The following ZNF710 variants were observed in gnomAD, a reference collection of about 807,000 sequenced individuals.
ZNF710 encodes the protein zinc finger protein 710.
Under a neutral mutation model 50.6 loss-of-function variants are expected in ZNF710, and 13 were observed. The observed-to-expected ratio is 0.26, with a 90% CI of 0.17 to 0.41. ZNF710 has a LOEUF of 0.41. Ranked by LOEUF, ZNF710 falls within the 10% of genes least tolerant of loss-of-function variation. The pLI, the probability that ZNF710 is intolerant of heterozygous loss-of-function variation, is 1.00. For synonymous variants in ZNF710, 383 were observed against 397.0 expected (o/e 0.96, Z 0.42); for missense variants, 721 against 936.6 (o/e 0.77, Z 3.01).
upstream of ZNF710, among the ~76,000 whole-genome samples, chr15:90,000,927 G>T (rs539441677): frequency 1.3e-5 from 2 of 152,112 alleles, no homozygotes; most frequent in East Asian, 3.9e-4. Flanking sequence ...CCATTTCCAA[G>T]CGAGGTCTGC....
chr15:90,079,483 C>T (rs1900670278), intron 4 of ZNF710, among the ~76,000 whole-genome samples, 177 bp from the exon 5 acceptor site: 1 of 152,232 alleles, frequency 6.6e-6, no homozygotes. Context: ...GGTCACCCAG[C>T]TAGAAGCCAC....
At chr15:90,038,547 C>T (rs150544500) in intron 1 of ZNF710, among the ~76,000 whole-genome samples, 1 of 152,296 alleles carries the variant, frequency 6.6e-6, no homozygotes, top group East Asian at 1.9e-4. Flanking sequence ...AAGAAATTAC[C>T]ACTGTCCAAT....
In ZNF710 at chr15:90,006,855, T is replaced by A. The variant is rs1203586474; in HGVS notation, c.-29+5241T>A. ...ATGCATGGTAATGTCTGTAAAGCACTGATGGACTCAAAAGTACTGAAATGA... is the reference window on the plus strand; with the variant it reads ...ATGCATGGTAATGTCTGTAAAGCACAGATGGACTCAAAAGTACTGAAATGA... On this transcript the variant is annotated intron_variant, in intron 1 of 4. Transcript: ENST00000268154. 3 of 154,864 alleles carry A rather than the reference T, an allele frequency of 1.9e-5. No homozygotes were observed. The Admixed American group carries it at 2.0e-4, about 10-fold the overall frequency. 9.6% of individuals were successfully genotyped at this position (154,864 alleles called of 1,614,324 possible).
At chr15:90,063,095 A>G (rs750268851) in intron 1 of ZNF710, among the ~76,000 whole-genome samples, 44 of 152,110 alleles carry the variant, frequency 2.9e-4, no homozygotes, top group Non-Finnish European at 5.6e-4. Context: ...CCAGCCAGGA[A>G]GCAGCCCGAG....
chr15:90,019,179 T>TTTTC, intron 1 of ZNF710, among the ~76,000 whole-genome samples: 1 of 143,810 alleles, frequency 7.0e-6, no homozygotes, highest in Non-Finnish European at 1.5e-5. Context: ...TCTTATTACT[T>TTTTC]TTTCTTTCTT....
Position 90,068,290 on chromosome 15 carries a change from G to A in ZNF710, c.1153G>A (p.Gly385Ser), listed in dbSNP as rs774993760. 14 of 1,612,908 alleles carry A rather than the reference G, an allele frequency of 8.7e-6. No individual in the cohort carries two copies. In the East Asian group the frequency reaches 2.0e-4, roughly 23 times the overall value. Residue 385 changes from glycine to serine, a missense_variant, in exon 2 of 5, where the codon GGC (glycine) becomes AGC (serine). Physicochemically the swap from Gly to Ser is moderately conservative, Grantham distance 56 (BLOSUM62 0). Transcript: ENST00000268154. The surrounding 1 kb of genome is among the most constrained non-coding windows in gnomAD (Gnocchi z 5.0). ...CAAGCCCTACAGCTGCCACTTCTGC[G>A]GCCGCGGCTTCGCCTACCCCAGCGA... ...EVKPYSCHFC[G>S]RGFAYPSELK...
At chr15:90,038,740 T>TGTGTGTGTGTGTGTGTGTGTGTGTGA (rs150950322) in intron 1 of ZNF710, among the ~76,000 whole-genome samples, 35 of 148,638 alleles carry the variant, frequency 2.4e-4, no homozygotes, top group Admixed American at 1.0e-3. Flanking sequence ...TGTGTGTGTG[T>TGTGTGTGTGTGTGTGTGTGTGTGTGA]GAGACATTGG....
intron 1 of ZNF710, among the ~76,000 whole-genome samples, chr15:90,002,019 C>CGCG (rs755847079): frequency 0.024 from 3,494 of 146,742 alleles, 224 homozygotes; most frequent in East Asian, 0.22. Context: ...AGGAAAGCGT[C>CGCG]GCGGCGGCGG....
At chr15:90,017,541 T>C (rs1174011081) in intron 1 of ZNF710, among the ~76,000 whole-genome samples, 1 of 152,082 alleles carries the variant, frequency 6.6e-6, no homozygotes, top group Non-Finnish European at 1.5e-5. Context: ...GGCTGAGGAA[T>C]GCTCTCGGGG....
At chr15:90,054,463 G>C (rs538679511) in intron 1 of ZNF710, among the ~76,000 whole-genome samples, 2 of 152,202 alleles carry the variant, frequency 1.3e-5, no homozygotes, top group Non-Finnish European at 2.9e-5. Context: ...ATCCCTGAGA[G>C]CTGAGGTGGA....
intron 2 of ZNF710, among the ~76,000 whole-genome samples, chr15:90,069,487 C>T (rs1249451718): frequency 6.6e-6 from 1 of 152,040 alleles, no homozygotes; most frequent in Non-Finnish European, 1.5e-5. Flanking sequence ...ATCTTACCCT[C>T]CCTATTTTCT....
rs753524493 is a variant in ZNF710, at chr15:90,067,174, G to A, written c.37G>A (p.Ala13Thr). ...GFMDSGTQTD[A>T]VVVLSLAQAA... ...CATGGACTCAGGGACACAGACGGAC[G>A]CCGTGGTGGTGCTGTCCTTGGCTCA... The change falls in exon 2 of 5, where the codon GCC (alanine) becomes ACC (threonine). Residue 13 changes from alanine to threonine, a missense_variant. Physicochemically the swap from Ala to Thr is moderately conservative, Grantham distance 58. Coordinates refer to ENST00000268154, the MANE Select transcript of ZNF710 (RefSeq NM_198526.4). This position sits in a 1 kb window ranked among gnomAD's most constrained non-coding sequence, Gnocchi z 8.1. The A allele has an allele frequency of 9.9e-6, 16 of 1,610,752 alleles. No homozygotes were observed. Among genetic ancestry groups the A allele is most frequent in the African/African-American group, 4.0e-5 (3 of 74,848 alleles).
At chr15:90,048,798 C>G (rs1172502259) in intron 1 of ZNF710, among the ~76,000 whole-genome samples, 1 of 152,176 alleles carries the variant, frequency 6.6e-6, no homozygotes, top group Non-Finnish European at 1.5e-5. Context: ...GATGCCTTCC[C>G]GCCTCTCCAG....
chr15:90,049,953 C>G (rs1019944376), intron 1 of ZNF710, among the ~76,000 whole-genome samples: 1 of 152,264 alleles, frequency 6.6e-6, no homozygotes, highest in African/African-American at 2.4e-5. Flanking sequence ...AGGTCCTACC[C>G]CTCAGCTCAC....
intron 1 of ZNF710, among the ~76,000 whole-genome samples, chr15:90,028,504 A>G (rs1265900370): frequency 6.6e-6 from 1 of 152,214 alleles, no homozygotes; most frequent in African/African-American, 2.4e-5. Context: ...CTGGGAGTTT[A>G]CCAATGGCCT....
chr15:90,074,936 T>C (rs1368644540), intron 4 of ZNF710: 2 of 199,596 alleles, frequency 1.0e-5, no homozygotes, highest in African/African-American at 4.8e-5. Context: ...ATAACCCACA[T>C]ACTCATGAAA....
chr15:90,068,064 C>T lies in ZNF710; in HGVS notation c.927C>T (p.Asn309=). 1 of 1,614,260 alleles carries T rather than the reference C, an allele frequency of 6.2e-7. No individual in the cohort carries two copies. The highest frequency in any genetic ancestry group is 8.5e-7 in the Non-Finnish European group (1 of 1,180,048). ...MCEKSYTSKY[N]LVTHILGHNG... The stretch of plus-strand genomic sequence containing the variant: ...AGAAGTCCTACACGTCCAAGTACAA[C>T]CTGGTGACGCACATCCTGGGCCACA... Residue 309 remains asparagine (N), a synonymous_variant, in exon 2 of 5, where the codon AAC becomes AAT. Transcript: ENST00000268154. This position sits in a 1 kb window ranked among gnomAD's most constrained non-coding sequence, Gnocchi z 5.0.
Position 90,035,292 on chromosome 15 carries a change from C to G in ZNF710, c.-28-31818C>G, listed in dbSNP as rs562269885. ...CCGGCTGCTGGGCGTCACTGACTTGCTGTGGCTTCCTGGCCTGGCTCAGCA... is the reference window on the plus strand; with the variant it reads ...CCGGCTGCTGGGCGTCACTGACTTGGTGTGGCTTCCTGGCCTGGCTCAGCA... On this transcript the variant is annotated intron_variant, in intron 1 of 4. Coordinates refer to ENST00000268154, the MANE Select transcript of ZNF710 (RefSeq NM_198526.4). 4.6e-5 allele frequency among the ~76,000 whole-genome samples: 7 copies of G among 152,344 alleles called. No individual in the cohort carries two copies. In the South Asian group the frequency reaches 1.4e-3, roughly 32 times the overall value.
Position 90,068,057 on chromosome 15 carries a change from A to G in ZNF710, c.920A>G (p.Lys307Arg). 1 of 1,614,250 alleles carries G rather than the reference A, an allele frequency of 6.2e-7. No individual in the cohort carries two copies. The highest frequency in any genetic ancestry group is 8.5e-7 in the Non-Finnish European group (1 of 1,180,044). Residue 307 changes from lysine (K) to arginine (R), a missense_variant, in exon 2 of 5, where the codon AAG becomes AGG. Lys to Arg is a conservative substitution (Grantham distance 26). This residue lies in a region of ZNF710 where 326 missense variants were observed against 522.0 expected (regional missense o/e 0.62). Coordinates refer to ENST00000268154, the MANE Select transcript of ZNF710 (RefSeq NM_198526.4). This position sits in a 1 kb window ranked among gnomAD's most constrained non-coding sequence, Gnocchi z 5.0. ...ATGTGCGAGAAGTCCTACACGTCCA[A>G]GTACAACCTGGTGACGCACATCCTG... ...CRMCEKSYTS[K>R]YNLVTHILGH...
Sources: allele counts gnomAD v4.1 joint callset (sites outside exome capture counted in the v4.1 genomes callset), GRCh38; gene constraint gnomAD v4.1.1; regional missense constraint gnomAD v4.1.1; non-coding constraint Gnocchi (gnomAD v3.1); transcripts MANE v1.5; gene names NCBI Gene and HGNC (gene_info 2026-07-23, HGNC 2026-07-21).